Variants in SNRPN observed in about 807,000 individuals in gnomAD.
The protein encoded by SNRPN is small nuclear ribonucleoprotein polypeptide N.
SNRPN carries 7 observed loss-of-function variants against 25.2 expected under a neutral mutation model. The observed-to-expected ratio is 0.28, with a 90% CI of 0.16 to 0.52. The LOEUF (loss-of-function observed/expected upper bound fraction) is 0.52, where lower values mean the gene tolerates loss of function less well. SNRPN is among the 20% of genes least tolerant of loss of function. SNRPN has a pLI of 0.96. For missense variants in SNRPN, 196 were observed against 322.5 expected, an observed-to-expected ratio of 0.61 and a Z score of 3.00; for synonymous variants, 124 against 110.6, an observed-to-expected ratio of 1.12 and a Z score of -0.76.
chr15:24,873,524 T>C (rs1441720354), intron 1 of SNRPN, among the ~76,000 whole-genome samples: 1 of 149,440 alleles, frequency 6.7e-6, no homozygotes, highest in Admixed American at 6.8e-5. Context: ...CTTGGCTCAC[T>C]GCAAGCTCCG....
chr15:24,888,182 C>T (rs1421832133), intron 2 of SNRPN, among the ~76,000 whole-genome samples: 2 of 148,936 alleles, frequency 1.3e-5, no homozygotes, highest in Non-Finnish European at 3.0e-5. Context: ...AATCTCGGCT[C>T]ACCACAACCT....
intron 2 of SNRPN, among the ~76,000 whole-genome samples, chr15:24,886,874 T>C (rs966578504): frequency 6.6e-6 from 1 of 152,040 alleles, no homozygotes; most frequent in Non-Finnish European, 1.5e-5. Context: ...TTACATTTCT[T>C]CTTCACATGT....
intron 2 of SNRPN, among the ~76,000 whole-genome samples, chr15:24,917,334 C>T (rs750093021): frequency 6.6e-6 from 1 of 152,056 alleles, no homozygotes; most frequent in Non-Finnish European, 1.5e-5. Flanking sequence ...GGATCAAATA[C>T]TTTTTAAATG....
At chr15:24,928,380 G>C (rs1182273180) in intron 3 of SNRPN, among the ~76,000 whole-genome samples, 1 of 151,740 alleles carries the variant, frequency 6.6e-6, no homozygotes, top group Non-Finnish European at 1.5e-5. Flanking sequence ...ATACACAATG[G>C]AATACTATTT....
At chr15:24,924,191 G>C (rs1381933686) in intron 3 of SNRPN, among the ~76,000 whole-genome samples, 2 of 151,886 alleles carry the variant, frequency 1.3e-5, no homozygotes, top group Non-Finnish European at 2.9e-5. Context: ...TGGACACAGG[G>C]ACATCACATG....
chr15:24,857,654 T>G (rs1265692935), intron 1 of SNRPN, among the ~76,000 whole-genome samples: 1 of 152,158 alleles, frequency 6.6e-6, no homozygotes, highest in Non-Finnish European at 1.5e-5. Context: ...GTCTATTGTT[T>G]AGGCTCAACC....
intron 1 of SNRPN, among the ~76,000 whole-genome samples, chr15:24,872,734 G>A (rs2055288831): frequency 1.5e-5 from 1 of 68,514 alleles, no homozygotes. Flanking sequence ...CAATAAGAGT[G>A]AAACTCCGTC....
intron 3 of SNRPN, among the ~76,000 whole-genome samples, chr15:24,922,712 G>A (rs2060102388): frequency 6.6e-6 from 1 of 151,830 alleles, no homozygotes; most frequent in Non-Finnish European, 1.5e-5. Context: ...TCCATGTTGT[G>A]TGTAATTCCA....
intron 1 of SNRPN, among the ~76,000 whole-genome samples, chr15:24,874,976 GT>G (rs141350317): frequency 0.021 from 3,212 of 152,146 alleles, 129 homozygotes; most frequent in African/African-American, 0.073. Context: ...GTAGTTGAAA[GT>G]TTTTTTCAGT....
intron 1 of SNRPN, among the ~76,000 whole-genome samples, chr15:24,828,370 C>T (rs1034573693): frequency 4.6e-5 from 7 of 152,164 alleles, no homozygotes; most frequent in African/African-American, 1.7e-4. Flanking sequence ...GATTTTATTA[C>T]AAGATCACGC....
chr15:24,958,118 A>G (rs2063215730), intron 1 of SNRPN, among the ~76,000 whole-genome samples: 1 of 152,154 alleles, frequency 6.6e-6, no homozygotes, highest in Non-Finnish European at 1.5e-5. Context: ...CCAGTGTGTC[A>G]TTGCCGAAAT....
chr15:24,878,720 T>A (rs1163650740), intron 1 of SNRPN, among the ~76,000 whole-genome samples: 1 of 152,210 alleles, frequency 6.6e-6, no homozygotes, highest in Non-Finnish European at 1.5e-5. Context: ...TAATTGTATA[T>A]CCTTCCCTCT....
chr15:24,897,601 T>G (rs1216153866), intron 2 of SNRPN, among the ~76,000 whole-genome samples: 2 of 152,154 alleles, frequency 1.3e-5, no homozygotes, highest in Non-Finnish European at 2.9e-5. Context: ...TGGCTGTGTC[T>G]CCACCCAAAT....
chr15:24,874,015 G>GAAA (rs143345528), intron 1 of SNRPN, among the ~76,000 whole-genome samples: 1 of 127,214 alleles, frequency 7.9e-6, no homozygotes, highest in Non-Finnish European at 1.7e-5. Flanking sequence ...TTCATCTTCA[G>GAAA]AAAAAAAAAA....
At chr15:24,926,619 G>GT (rs34428935) in intron 3 of SNRPN, among the ~76,000 whole-genome samples, 28,278 of 148,120 alleles carry the variant, frequency 0.19, 2,658 homozygotes, top group East Asian at 0.28. Flanking sequence ...ATGGATTCTG[G>GT]TTTTTTTTTT....
intron 2 of SNRPN, among the ~76,000 whole-genome samples, chr15:24,844,131 A>AGTGT (rs138942935): frequency 0.15 from 21,709 of 149,630 alleles, 1,769 homozygotes; most frequent in South Asian, 0.2. Flanking sequence ...GTGTGTCTGT[A>AGTGT]GTGTGTGTGT....
intron 1 of SNRPN, chr15:24,959,006 C>T (rs2074344014): frequency 6.6e-6 from 1 of 152,210 alleles, no homozygotes; most frequent in Non-Finnish European, 1.5e-5. Context: ...CCATGAGCCG[C>T]TATACCTGGC....
chr15:24,884,148 C>CA (rs61039873), intron 1 of SNRPN, among the ~76,000 whole-genome samples: 31,945 of 104,716 alleles, frequency 0.31, 5,252 homozygotes, highest in East Asian at 0.53. Context: ...CCTGCCTCTA[C>CA]AAAAAAAAAA....
At chr15:24,953,685 A>G (rs1848568337), upstream of SNRPN, among the ~76,000 whole-genome samples, 1 of 152,218 alleles carries the variant, frequency 6.6e-6, no homozygotes, top group Non-Finnish European at 1.5e-5. Flanking sequence ...TTATGTGAAT[A>G]TGTATCAATG....
Sources: gnomAD v4.1 joint callset for allele counts (sites outside exome capture counted in the v4.1 genomes callset) on GRCh38, gnomAD v4.1.1 for gene constraint, MANE v1.5 for transcripts, NCBI Gene and HGNC (gene_info 2026-07-23, HGNC 2026-07-21) for gene names.